KCND3: variants seen among roughly 807,000 people sequenced by gnomAD.
KCND3 encodes potassium voltage-gated channel subfamily D member 3, also known as A-type voltage-gated potassium channel KCND3.
KCND3 carries 9 observed loss-of-function variants against 51.1 expected under a neutral mutation model. That is an observed-to-expected ratio of 0.18 (90% CI 0.11 to 0.31). The LOEUF (loss-of-function observed/expected upper bound fraction) is 0.31, where lower values mean the gene tolerates loss of function less well. Ranked by LOEUF, KCND3 falls within the 10% of genes least tolerant of loss-of-function variation. The pLI is 1.00. For missense variants in KCND3, 526 were observed against 903.8 expected (o/e 0.58, Z 5.36); for synonymous variants, 349 against 368.0 (o/e 0.95, Z 0.59).
intron 2 of KCND3, among the ~76,000 whole-genome samples, chr1:111,952,571 C>T (rs1002925366): frequency 6.6e-6 from 1 of 151,968 alleles, no homozygotes; most frequent in African/African-American, 2.4e-5. Context: ...TCCCTGCCTT[C>T]CTTCTCCCCT....
chr1:111,897,734 G>A (rs1670191546), intron 2 of KCND3, among the ~76,000 whole-genome samples: 1 of 152,236 alleles, frequency 6.6e-6, no homozygotes. Context: ...AGGTGCAGAA[G>A]CTGGCTTGCA....
intron 5 of KCND3, 120 bp from the exon 6 acceptor site, chr1:111,778,612 T>C (rs1664239653): frequency 3.2e-6 from 3 of 930,740 alleles, no homozygotes; most frequent in Non-Finnish European, 5.3e-6. Flanking sequence ...AGTCAAACAT[T>C]CCACCCCTCA....
rs1664375150 is a variant in KCND3, at chr1:111,781,374, TC to T, written c.1270-584del. Among the ~76,000 whole-genome samples the T allele has an allele frequency of 3.9e-5, 6 of 152,252 alleles. No homozygotes were observed. In the South Asian group the frequency reaches 1.2e-3, roughly 31 times the overall value. On this transcript the variant is annotated intron_variant, in intron 3 of 7. Transcript: ENST00000302127. ...TTTTCTTGATACTTTCTCTTTCTCT[TC>T]CACTAAAATGTAAATTCCTTGAGGG...
At chr1:111,954,947 T>A (rs959305798) in intron 2 of KCND3, among the ~76,000 whole-genome samples, 2 of 152,238 alleles carry the variant, frequency 1.3e-5, no homozygotes, top group African/African-American at 4.8e-5. Flanking sequence ...GCCTTTTATG[T>A]CAACCTAGAT....
chr1:111,928,114 T>C (rs12141295), intron 2 of KCND3, among the ~76,000 whole-genome samples: 24 of 152,108 alleles, frequency 1.6e-4, no homozygotes, highest in Non-Finnish European at 3.2e-4. Context: ...AGCTAACGTA[T>C]CTCTAGGTTA....
At chr1:111,812,455 A>C (rs1390077160) in intron 2 of KCND3, among the ~76,000 whole-genome samples, 2 of 152,222 alleles carry the variant, frequency 1.3e-5, no homozygotes, top group East Asian at 3.8e-4. Flanking sequence ...GCTTCCCTCC[A>C]GGGGAAGCAG....
intron 2 of KCND3, among the ~76,000 whole-genome samples, chr1:111,847,731 G>A (rs1251461289): frequency 6.6e-6 from 1 of 152,140 alleles, no homozygotes; most frequent in Non-Finnish European, 1.5e-5. Context: ...GCTGTCCTGG[G>A]CTTAATTGTT....
chr1:111,948,928 A>C (rs1205365555), intron 2 of KCND3, among the ~76,000 whole-genome samples: 1 of 152,126 alleles, frequency 6.6e-6, no homozygotes, highest in Non-Finnish European at 1.5e-5. Context: ...CACAAACAAT[A>C]GAAGGGCTGG....
intron 2 of KCND3, among the ~76,000 whole-genome samples, chr1:111,819,185 A>T (rs1486818444): frequency 6.6e-6 from 1 of 152,130 alleles, no homozygotes; most frequent in Non-Finnish European, 1.5e-5. Flanking sequence ...GTGTACACAC[A>T]CAAATACTCT....
chr1:111,930,161 T>G (rs1274247412), intron 2 of KCND3, among the ~76,000 whole-genome samples: 2 of 150,936 alleles, frequency 1.3e-5, no homozygotes, highest in Non-Finnish European at 3.0e-5. Context: ...CGGTTTTTGT[T>G]TTTTTTTTTT....
At chr1:111,870,721 G>GA (rs5777086) in intron 2 of KCND3, among the ~76,000 whole-genome samples, 113,881 of 151,622 alleles carry the variant, frequency 0.75, 43,971 homozygotes, top group Middle Eastern at 0.88. Context: ...CTCAGTGAAA[G>GA]AAAAAAAAGA....
At chr1:111,941,052 C>T (rs2101885690) in intron 2 of KCND3, among the ~76,000 whole-genome samples, 1 of 152,298 alleles carries the variant, frequency 6.6e-6, no homozygotes, top group East Asian at 1.9e-4. Flanking sequence ...CAAAGGAAAG[C>T]AGCGGGGCAG....
At chr1:111,880,725 T>C (rs1411877492) in intron 2 of KCND3, among the ~76,000 whole-genome samples, 1 of 152,206 alleles carries the variant, frequency 6.6e-6, no homozygotes, top group Non-Finnish European at 1.5e-5. Flanking sequence ...CATTTAAATA[T>C]CATAGTTACT....
intron 2 of KCND3, among the ~76,000 whole-genome samples, chr1:111,851,747 C>T (rs925438279): frequency 2.6e-5 from 4 of 152,236 alleles, no homozygotes; most frequent in East Asian, 3.8e-4. Context: ...TGGCACAATG[C>T]GAACACTCAG....
chr1:111,982,498 C>T lies in KCND3; in HGVS notation c.229G>A (p.Glu77Lys). The change falls in exon 2 of 8, where the codon GAG becomes AAG. Residue 77 changes from glutamate (E) to lysine (K), a missense_variant. By Grantham distance (56) the Glu-to-Lys change is moderately conservative. Coordinates refer to ENST00000302127, the MANE Select transcript of KCND3 (RefSeq NM_001378969.1). This position sits in a 1 kb window ranked among gnomAD's most constrained non-coding sequence, Gnocchi z 8.5. ...TCGAAGAAGTACTCCTTGGTGTCCT[C>T]GTTGAAGAAGAACTCCTTCTCCGTG... ...GSTEKEFFFNEDTKEYFFDRD... is the reference protein window; with the variant it reads ...GSTEKEFFFNKDTKEYFFDRD... 6.2e-7 allele frequency: 1 copy of T among 1,607,716 alleles called. No homozygotes were observed.
At chr1:111,799,528 A>G (rs760318723) in intron 2 of KCND3, among the ~76,000 whole-genome samples, 2 of 152,276 alleles carry the variant, frequency 1.3e-5, no homozygotes, top group Admixed American at 6.5e-5. Context: ...CCTCTTCCCA[A>G]CCTAATTCTT....
chr1:111,901,703 T>C (rs1201998222), intron 2 of KCND3, among the ~76,000 whole-genome samples: 1 of 152,142 alleles, frequency 6.6e-6, no homozygotes, highest in African/African-American at 2.4e-5. Flanking sequence ...TTAGGAAGAA[T>C]GCTTTCTTTT....
chr1:111,889,991 A>C (rs74109718), intron 2 of KCND3, among the ~76,000 whole-genome samples: 2,942 of 152,192 alleles, frequency 0.019, 92 homozygotes, highest in African/African-American at 0.066. Flanking sequence ...CAACAAACAG[A>C]ATGGCTGGTC....
intron 2 of KCND3, among the ~76,000 whole-genome samples, chr1:111,828,392 T>C (rs1435255989): frequency 6.6e-6 from 1 of 152,150 alleles, no homozygotes; most frequent in African/African-American, 2.4e-5. Context: ...TTCTCTTGAT[T>C]GAATAGATAA....
Sources: gnomAD v4.1 joint callset for allele counts (sites outside exome capture counted in the v4.1 genomes callset) on GRCh38, gnomAD v4.1.1 for gene constraint, Gnocchi (gnomAD v3.1) non-coding constraint, MANE v1.5 for transcripts, NCBI Gene and HGNC (gene_info 2026-07-23, HGNC 2026-07-21) for gene names.